MKRN2: variants seen among roughly 807,000 people sequenced by gnomAD.
MKRN2 encodes the protein E3 ubiquitin-protein ligase makorin-2.
A neutral mutation model predicts 45.4 loss-of-function variants in MKRN2; 32 were observed. The observed-to-expected ratio is 0.70, with a 90% confidence interval of 0.53 to 0.95. The LOEUF is 0.95. MKRN2 is among the 40% of genes least tolerant of loss of function. MKRN2 has a pLI of 0.00. For synonymous variants in MKRN2, 206 were observed against 192.4 expected (o/e 1.07, Z -0.59); for missense variants, 526 against 536.7 (o/e 0.98, Z 0.20).
intron 6 of MKRN2, 129 bp downstream of exon 6, chr3:12,576,870 T>C (rs970131134): frequency 3.8e-6 from 2 of 531,030 alleles, no homozygotes; most frequent in Middle Eastern, 3.3e-4. Flanking sequence ...TCAGGCACCA[T>C]GCTGGGCTCT....
chr3:12,568,960 A>G lies in MKRN2; in HGVS notation c.112A>G (p.Lys38Glu), dbSNP rs1575518900. 1.2e-6 allele frequency: 2 copies of G among 1,614,050 alleles called. No individual in the cohort carries two copies. Among genetic ancestry groups the G allele is most frequent in the African/African-American group, 1.3e-5 (1 of 74,926 alleles). ...AAACAGCAAACCGTCCACCATCTGC[A>G]AGTACTACCAGAAGGGCTACTGTGC... ...LANSKPSTIC[K>E]YYQKGYCAYG... Residue 38 changes from lysine (K) to glutamate (E), a missense_variant, in exon 2 of 8, where the codon AAG becomes GAG. Physicochemically the swap from Lys to Glu is moderately conservative, Grantham distance 56 (BLOSUM62 1). Transcript: ENST00000170447.
At chr3:12,579,439 T>C (rs1030200781) in intron 6 of MKRN2, among the ~76,000 whole-genome samples, 15 of 152,118 alleles carry the variant, frequency 9.9e-5, no homozygotes, top group African/African-American at 3.6e-4. Context: ...AGTGCTAGGA[T>C]TATAGGTGTG....
chr3:12,571,691 G>C (rs1208021775), intron 3 of MKRN2, among the ~76,000 whole-genome samples: 1 of 152,152 alleles, frequency 6.6e-6, no homozygotes, highest in Non-Finnish European at 1.5e-5. Flanking sequence ...TGGTATGAAG[G>C]AAACACTGTG....
Position 12,582,576 on chromosome 3 carries a change from G to T in MKRN2, c.*323G>T. On this transcript the variant is annotated 3_prime_UTR_variant, in exon 8 of 8. Transcript: ENST00000170447. ...AAAAACAAACCTGGCTCTTACCTTT[G>T]ATCTTTTCTTCCCCAGAAATAGTAA... The T allele has an allele frequency of 4.3e-6, 1 of 231,152 alleles. No homozygotes were observed. Among genetic ancestry groups the T allele is most frequent in the East Asian group, 8.6e-5 (1 of 11,684 alleles). 14.3% of individuals were successfully genotyped at this position (231,152 alleles called of 1,614,324 possible).
rs915219632 is a variant in MKRN2, at chr3:12,564,060, C to G, written c.27-4815C>G. Among the ~76,000 whole-genome samples the G allele has an allele frequency of 2.0e-4, 30 of 152,082 alleles. 1 individual carries two copies. The highest frequency in any genetic ancestry group is 7.0e-4 in the African/African-American group (29 of 41,498). ...TCCCAGGTTCAAGTGATTCTCCTGC[C>G]TCGGCCCCCAAAGTAGCTGGGATTA... On this transcript the variant is annotated intron_variant, in intron 1 of 7. Transcript: ENST00000170447.
chr3:12,564,090 C>T (rs903046727), intron 1 of MKRN2, among the ~76,000 whole-genome samples: 2 of 151,942 alleles, frequency 1.3e-5, no homozygotes. Flanking sequence ...GGATTACAGG[C>T]GCCCACCACC....
chr3:12,564,820 T>A (rs1012162322), intron 1 of MKRN2, among the ~76,000 whole-genome samples: 3 of 152,252 alleles, frequency 2.0e-5, no homozygotes, highest in African/African-American at 7.2e-5. Context: ...AATCTACTTT[T>A]TGTCTCTGTA....
At position 12,574,965 on chromosome 3, in the gene MKRN2, G is replaced by A. The variant is rs776471257; in HGVS notation, c.816G>A (p.Arg272=). The change falls in exon 5 of 8, where the codon CGG becomes CGA. Residue 272 remains arginine (R), a synonymous_variant. Coordinates refer to ENST00000170447, the MANE Select transcript of MKRN2 (RefSeq NM_014160.5). ...ACACGTACTGTTTGTCCTGCATCCG[G>A]CAGTGGCGGTGTGCCAAACAGTTTG... ...CNHTYCLSCI[R]QWRCAKQFEN... is the part of the protein sequence containing the mutation. 1.2e-6 allele frequency: 2 copies of A among 1,614,228 alleles called. No homozygotes were observed. The highest frequency in any genetic ancestry group is 2.2e-5 in the East Asian group (1 of 44,888).
intron 1 of MKRN2, among the ~76,000 whole-genome samples, chr3:12,558,532 T>C (rs1044755123): frequency 1.3e-5 from 2 of 151,932 alleles, no homozygotes; most frequent in Admixed American, 1.3e-4. Context: ...CACAAAACAG[T>C]ACACATTTAT....
chr3:12,562,690 C>T (rs150841039), intron 1 of MKRN2, among the ~76,000 whole-genome samples: 2 of 152,098 alleles, frequency 1.3e-5, no homozygotes, highest in African/African-American at 2.4e-5. Flanking sequence ...ACCACCTGAG[C>T]TCCACCTCCT....
chr3:12,565,379 T>C (rs1044583225), intron 1 of MKRN2, among the ~76,000 whole-genome samples: 10 of 152,184 alleles, frequency 6.6e-5, no homozygotes, highest in Admixed American at 5.9e-4. Context: ...TTTTGTGGAT[T>C]CAAATTAATT....
intron 2 of MKRN2, 32 bp from the exon 3 acceptor site, chr3:12,570,039 T>G: frequency 1.3e-6 from 2 of 1,553,418 alleles, no homozygotes; most frequent in Non-Finnish European, 1.7e-6. Context: ...GGGTGGCATG[T>G]CTGTAATGCA....
chr3:12,567,909 T>C (rs188551006), intron 1 of MKRN2, among the ~76,000 whole-genome samples: 2 of 152,324 alleles, frequency 1.3e-5, no homozygotes, highest in East Asian at 3.9e-4. Context: ...GTACCACTTA[T>C]TCTTCAAGGC....
At position 12,581,867 on chromosome 3, in the gene MKRN2, G is replaced by A; in HGVS notation, c.1028G>A (p.Cys343Tyr). Reference sequence around the variant, plus strand: ...GGGACCTGCCCATTTGGAAGCAAATGTCTTTATCGCCATGCTTACCCCGAT... The same window carrying A: ...GGGACCTGCCCATTTGGAAGCAAATATCTTTATCGCCATGCTTACCCCGAT... ...GKGTCPFGSK[C>Y]LYRHAYPDGR... Residue 343 changes from cysteine to tyrosine, a missense_variant, in exon 7 of 8, where the codon TGT becomes TAT. Cys to Tyr is a radical substitution (Grantham distance 194). Coordinates refer to ENST00000170447, the MANE Select transcript of MKRN2 (RefSeq NM_014160.5). 1 of 1,614,182 alleles carries A rather than the reference G, an allele frequency of 6.2e-7. No individual in the cohort carries two copies. Among genetic ancestry groups the A allele is most frequent in the Middle Eastern group, 1.6e-4 (1 of 6,062 alleles).
intron 3 of MKRN2, among the ~76,000 whole-genome samples, chr3:12,571,493 C>A (rs1022784527): frequency 6.6e-6 from 1 of 152,200 alleles, no homozygotes; most frequent in African/African-American, 2.4e-5. Flanking sequence ...TAGGCAGATT[C>A]TGTCCTCAGC....
At chr3:12,572,544 G>A (rs151264905) in intron 4 of MKRN2, among the ~76,000 whole-genome samples, 171 bp downstream of exon 4, 1 of 152,016 alleles carries the variant, frequency 6.6e-6, no homozygotes, top group African/African-American at 2.4e-5. Flanking sequence ...TATGTATCTG[G>A]TATATTTACA....
intron 3 of MKRN2, among the ~76,000 whole-genome samples, chr3:12,570,822 G>A (rs2058093713): frequency 6.8e-6 from 1 of 148,040 alleles, no homozygotes; most frequent in Non-Finnish European, 1.5e-5. Flanking sequence ...GGCAAAGATT[G>A]TAGTGAGCTG....
intron 1 of MKRN2, among the ~76,000 whole-genome samples, chr3:12,561,244 G>C (rs900236810): frequency 1.3e-5 from 2 of 152,182 alleles, no homozygotes; most frequent in Non-Finnish European, 2.9e-5. Flanking sequence ...AGAAGCTCTG[G>C]TTGGCAGTTA....
intron 6 of MKRN2, among the ~76,000 whole-genome samples, chr3:12,581,296 G>T (rs2058176751): frequency 6.6e-6 from 1 of 152,206 alleles, no homozygotes; most frequent in African/African-American, 2.4e-5. Flanking sequence ...AGGAAAACTG[G>T]AAGGAGACCT....
Sources: allele counts gnomAD v4.1 joint callset (sites outside exome capture counted in the v4.1 genomes callset), GRCh38; gene constraint gnomAD v4.1.1; transcripts MANE v1.5; gene names NCBI Gene and HGNC (gene_info 2026-07-23, HGNC 2026-07-21).